CNKSR2: variants seen among roughly 807,000 people sequenced by gnomAD.
The protein encoded by CNKSR2 is connector enhancer of kinase suppressor of Ras 2, also known as CNK homolog protein 2.
A neutral mutation model predicts 84.4 loss-of-function variants in CNKSR2; 14 were observed. The ratio of observed to expected loss-of-function variants is 0.17; its 90% CI spans 0.11 to 0.26. The LOEUF is 0.26. Among genes scored for constraint, CNKSR2 ranks in the 10% least tolerant of loss-of-function variants. The pLI, the probability that CNKSR2 is intolerant of heterozygous loss-of-function variation, is 1.00. For missense variants in CNKSR2, 485 were observed against 771.2 expected, an observed-to-expected ratio of 0.63 and a Z score of 4.40; for synonymous variants, 275 against 277.9, an observed-to-expected ratio of 0.99 and a Z score of 0.10.
At chrX:21,561,605 T>C (rs372641982) in intron 12 of CNKSR2, 45 bp downstream of exon 12, 30 of 912,242 alleles carry the variant, frequency 3.3e-5, no homozygotes, top group Non-Finnish European at 4.6e-5. Flanking sequence ...GTTTGAACAA[T>C]AAGCAAATTT....
chrX:21,522,066 C>G (rs140404606), intron 9 of CNKSR2, among the ~76,000 whole-genome samples: 1 of 111,106 alleles, frequency 9.0e-6, no homozygotes, highest in Non-Finnish European at 1.9e-5. Flanking sequence ...TGAATTCTTG[C>G]TGCTTAAAAT....
At chrX:21,403,092 C>T (rs899068556) in intron 1 of CNKSR2, among the ~76,000 whole-genome samples, 2 of 110,976 alleles carry the variant, frequency 1.8e-5, no homozygotes, top group African/African-American at 6.5e-5. Context: ...ATTGAAGCCA[C>T]AAAAGTACTA....
In CNKSR2 at chrX:21,391,884, C is replaced by T. The variant is rs751605022; in HGVS notation, c.64+16923C>T. On this transcript the variant is annotated intron_variant, in intron 1 of 21. Transcript: ENST00000379510. Reference sequence around the variant, plus strand: ...CTCTTTGGTCATGCATATGACCATACGCTATTAGAAGCTACCAGGCCACTT... The same window carrying T: ...CTCTTTGGTCATGCATATGACCATATGCTATTAGAAGCTACCAGGCCACTT... 1.3e-4 allele frequency among the ~76,000 whole-genome samples: 14 copies of T among 111,807 alleles called. No individual in the cohort carries two copies. In the East Asian group the frequency reaches 1.4e-3, roughly 11 times the overall value.
intron 1 of CNKSR2, among the ~76,000 whole-genome samples, chrX:21,397,368 C>T (rs1476098531): frequency 1.8e-5 from 2 of 111,108 alleles, no homozygotes; most frequent in African/African-American, 6.5e-5. Flanking sequence ...ACACTTTAAC[C>T]CTTAGCTGTC....
chrX:21,523,609 G>A (rs1410547187), intron 9 of CNKSR2, among the ~76,000 whole-genome samples: 3 of 110,076 alleles, frequency 2.7e-5, no homozygotes, highest in Non-Finnish European at 5.7e-5. Flanking sequence ...CTCCTCATTC[G>A]ATTTTTTTTC....
intron 8 of CNKSR2, chrX:21,504,829 A>G: frequency 3.4e-6 from 1 of 295,988 alleles, no homozygotes; most frequent in East Asian, 4.8e-5. Flanking sequence ...TCTGTGGCTG[A>G]GAAACTGTGG....
chrX:21,486,169 C>CT (rs1243115258), intron 5 of CNKSR2, among the ~76,000 whole-genome samples: 6 of 111,586 alleles, frequency 5.4e-5, no homozygotes, highest in Non-Finnish European at 1.1e-4. Flanking sequence ...ATGAATATTG[C>CT]GAAAATAGCA....
At chrX:21,541,846 A>AC (rs1372278276) in intron 11 of CNKSR2, among the ~76,000 whole-genome samples, 1 of 112,377 alleles carries the variant, frequency 8.9e-6, no homozygotes, top group African/African-American at 3.2e-5. Context: ...AGCTAGGATT[A>AC]AGTACTCATG....
At chrX:21,436,674 C>T (rs1791476323) in intron 3 of CNKSR2, among the ~76,000 whole-genome samples, 1 of 111,265 alleles carries the variant, frequency 9.0e-6, no homozygotes, top group Non-Finnish European at 1.9e-5. Flanking sequence ...TTGAGGATTT[C>T]TTCAGACTTA....
Position 21,652,342 on chromosome X carries a change from C to T in CNKSR2, c.2926C>T (p.Leu976=), listed in dbSNP as rs145113843. The stretch of plus-strand genomic sequence containing the variant: ...GGAAGTAGCCATTATCGATAAAGTC[C>T]TAGACAATCCAGACTTGACATCTAA... ...EGEVAIIDKV[L]DNPDLTSKEF... is the part of the protein sequence containing the mutation. The change falls in exon 22 of 22, where the codon CTA becomes TTA. Residue 976 remains leucine (L), a synonymous_variant. Coordinates refer to ENST00000379510, the MANE Select transcript of CNKSR2 (RefSeq NM_014927.5). The T allele has an allele frequency of 4.4e-4, 529 of 1,209,468 alleles. 1 individual carries two copies. In the African/African-American group the frequency reaches 7.8e-3, roughly 18 times the overall value.
intron 4 of CNKSR2, among the ~76,000 whole-genome samples, chrX:21,441,611 A>G (rs958288361): frequency 2.7e-5 from 3 of 112,047 alleles, no homozygotes; most frequent in African/African-American, 9.7e-5. Flanking sequence ...TATACTTTAA[A>G]ATAAATTACA....
At chrX:21,555,820 T>C (rs1301173073) in intron 11 of CNKSR2, among the ~76,000 whole-genome samples, 1 of 111,443 alleles carries the variant, frequency 9.0e-6, no homozygotes, top group African/African-American at 3.3e-5. Flanking sequence ...TAAGAGAAGA[T>C]TGCTTCTCAG....
chrX:21,466,846 A>G (rs1407081073), intron 4 of CNKSR2, among the ~76,000 whole-genome samples: 1 of 111,279 alleles, frequency 9.0e-6, no homozygotes, highest in Non-Finnish European at 1.9e-5. Flanking sequence ...AGGCCTCCCA[A>G]AGTGCTAGGA....
intron 13 of CNKSR2, among the ~76,000 whole-genome samples, chrX:21,581,467 C>T (rs1439992430): frequency 8.9e-6 from 1 of 111,876 alleles, no homozygotes; most frequent in African/African-American, 3.2e-5. Context: ...AAGTGTATCA[C>T]TCCAACTGAT....
At chrX:21,485,189 T>A (rs1195426047) in intron 5 of CNKSR2, among the ~76,000 whole-genome samples, 3 of 111,146 alleles carry the variant, frequency 2.7e-5, no homozygotes, top group South Asian at 3.8e-4. Flanking sequence ...TCTCAAAAAA[T>A]AATAATAATA....
intron 10 of CNKSR2, among the ~76,000 whole-genome samples, chrX:21,531,278 A>G (rs191193641): frequency 4.4e-4 from 49 of 111,038 alleles, no homozygotes; most frequent in African/African-American, 1.6e-3. Context: ...ATTTTTACCA[A>G]GAATCAATCA....
chrX:21,451,738 A>G (rs768770093), intron 4 of CNKSR2, among the ~76,000 whole-genome samples: 35 of 104,586 alleles, frequency 3.3e-4, no homozygotes, highest in African/African-American at 1.2e-3. Context: ...TAGGAGATAT[A>G]CCTAATGCTA....
intron 1 of CNKSR2, among the ~76,000 whole-genome samples, chrX:21,415,497 A>G (rs1049007390): frequency 3.9e-4 from 42 of 108,216 alleles, no homozygotes; most frequent in Non-Finnish European, 7.3e-4. Context: ...AGCAAATAAG[A>G]ATAATTTGAC....
At position 21,519,926 on chromosome X, in the gene CNKSR2, A is replaced by G. The variant is rs145982696; in HGVS notation, c.957+3295A>G. On this transcript the variant is annotated intron_variant, in intron 9 of 21. Transcript: ENST00000379510. ...GGAATCGTTTTTATCTATACAAATA[A>G]AACAACCTTATCTATCCTAAGATAG... 7.2e-3 allele frequency among the ~76,000 whole-genome samples: 797 copies of G among 111,286 alleles called. 2 individuals carry two copies. Among genetic ancestry groups the G allele is most frequent in the African/African-American group, 0.025 (757 of 30,875 alleles).
Sources: gnomAD v4.1 joint callset for allele counts (sites outside exome capture counted in the v4.1 genomes callset) on GRCh38, gnomAD v4.1.1 for gene constraint, MANE v1.5 for transcripts, NCBI Gene and HGNC (gene_info 2026-07-23, HGNC 2026-07-21) for gene names.